The following SRI variants were observed in gnomAD, a reference collection of about 807,000 sequenced individuals.
SRI encodes the protein sorcin.
SRI carries 30 observed loss-of-function variants against 33.3 expected under a neutral mutation model. That is an observed-to-expected ratio of 0.90 (90% CI 0.67 to 1.22). The LOEUF is 1.22. Ranked by LOEUF, SRI falls within the 50% of genes most tolerant of loss-of-function variation. The pLI is 0.00. For synonymous variants in SRI, 75 were observed against 89.9 expected (o/e 0.83, Z 0.94); for missense variants, 243 against 250.8 (o/e 0.97, Z 0.21).
At position 88,209,319 on chromosome 7, in the gene SRI, C is replaced by T; in HGVS notation, c.511+20G>A. ...ACTGTGTCTTGGCTTGTGGTGATGA[C>T]ACGACCTTATAGAACTCACCTGTAA... On this transcript the variant is annotated intron_variant, in intron 6 of 7. Transcript: ENST00000265729. 6.3e-7 allele frequency: 1 copy of T among 1,590,380 alleles called. No homozygotes were observed. Among genetic ancestry groups the T allele is most frequent in the Non-Finnish European group, 8.6e-7 (1 of 1,158,664 alleles).
chr7:88,222,138 G>A (rs375560949), upstream of SRI, among the ~76,000 whole-genome samples: 12 of 141,342 alleles, frequency 8.5e-5, no homozygotes, highest in South Asian at 2.5e-4. Flanking sequence ...GAATAATGCC[G>A]CAATAAACAT....
intron 3 of SRI, among the ~76,000 whole-genome samples, chr7:88,213,041 C>A (rs899286735): frequency 6.6e-6 from 1 of 152,176 alleles, no homozygotes; most frequent in Non-Finnish European, 1.5e-5. Context: ...TAACCCAAGC[C>A]AGAAACCTGG....
chr7:88,206,642 G>C, intron 7 of SRI, 138 bp from the exon 8 acceptor site: 1 of 892,474 alleles, frequency 1.1e-6, no homozygotes, highest in Admixed American at 2.4e-5. Flanking sequence ...ATGAGTAAAT[G>C]ATAGATGGAA....
chr7:88,207,489 T>C (rs1411509729), intron 7 of SRI, among the ~76,000 whole-genome samples: 1 of 151,496 alleles, frequency 6.6e-6, no homozygotes, highest in African/African-American at 2.4e-5. Flanking sequence ...ATTACAGTCA[T>C]TTCAATTCTA....
chr7:88,220,186 G>A, upstream of SRI: 4 of 1,314,432 alleles, frequency 3.0e-6, no homozygotes, highest in Non-Finnish European at 3.9e-6. Flanking sequence ...GCGCGCGGCC[G>A]TGGCTCCCCT....
chr7:88,223,885 A>G (rs1393057110), upstream of SRI, among the ~76,000 whole-genome samples: 6 of 152,156 alleles, frequency 3.9e-5, no homozygotes, highest in Non-Finnish European at 8.8e-5. Context: ...GAATACAGTT[A>G]TTTGTCAGAA....
In SRI at chr7:88,220,003, G is replaced by A; in HGVS notation, c.24C>T (p.Gly8=). 2 of 1,535,768 alleles carry A rather than the reference G, an allele frequency of 1.3e-6. No individual in the cohort carries two copies. Among genetic ancestry groups the A allele is most frequent in the Non-Finnish European group, 8.7e-7 (1 of 1,145,914 alleles). Reference sequence around the variant, plus strand: ...CGCCTGGGTAGTACCCGCCGCCGGCGCCAGGATGCCCCGGGTACGCCATGC... The same window carrying A: ...CGCCTGGGTAGTACCCGCCGCCGGCACCAGGATGCCCCGGGTACGCCATGC... The part of the protein sequence containing the change: MAYPGHP[G]AGGGYYPGGY... Residue 8 remains glycine, a synonymous_variant, in exon 1 of 8, where the codon GGC becomes GGT. Coordinates refer to ENST00000265729, the MANE Select transcript of SRI (RefSeq NM_003130.4).
chr7:88,214,027 G>T (rs1851646877), intron 3 of SRI, among the ~76,000 whole-genome samples: 1 of 152,164 alleles, frequency 6.6e-6, no homozygotes, highest in Admixed American at 6.5e-5. Context: ...CTAAGGAAAA[G>T]ATAAGTCACA....
At chr7:88,222,740 G>T (rs1397133205), upstream of SRI, among the ~76,000 whole-genome samples, 1 of 152,172 alleles carries the variant, frequency 6.6e-6, no homozygotes, top group Non-Finnish European at 1.5e-5. Flanking sequence ...ACAAAAAGAA[G>T]AAATGGGGAA....
At chr7:88,220,394 TG>T (rs1034503255), upstream of SRI, among the ~76,000 whole-genome samples, 2 of 151,422 alleles carry the variant, frequency 1.3e-5, no homozygotes, top group Admixed American at 1.3e-4. Context: ...GGCTATTATC[TG>T]GCACATTTCT....
chr7:88,220,257 C>G (rs117443479), upstream of SRI, among the ~76,000 whole-genome samples: 8,642 of 152,318 alleles, frequency 0.057, 325 homozygotes, highest in Middle Eastern at 0.1. Context: ...GACTGAAGGT[C>G]CAGTGGCGGC....
intron 2 of SRI, among the ~76,000 whole-genome samples, chr7:88,218,521 T>A (rs1284509618): frequency 6.6e-6 from 1 of 152,228 alleles, no homozygotes; most frequent in African/African-American, 2.4e-5. Flanking sequence ...CCCATTAGAA[T>A]CGAGCTATGT....
upstream of SRI, among the ~76,000 whole-genome samples, chr7:88,224,520 G>A (rs1586725540): frequency 1.3e-5 from 2 of 152,330 alleles, no homozygotes; most frequent in African/African-American, 4.8e-5. Flanking sequence ...CTGCCTTAGA[G>A]AGAAGCTCAG....
At position 88,205,975 on chromosome 7, in the gene SRI, G is replaced by T. The variant is rs957548715; in HGVS notation, c.*503C>A. 3.8e-5 allele frequency: 6 copies of T among 158,418 alleles called. No homozygotes were observed. The highest frequency in any genetic ancestry group is 8.4e-5 in the Non-Finnish European group (6 of 71,356). 9.8% of individuals were successfully genotyped at this position (158,418 alleles called of 1,614,324 possible). A position where few individuals can be genotyped will look rare whatever the true frequency, so the allele number is the denominator to read the frequency against. On this transcript the variant is annotated 3_prime_UTR_variant, in exon 8 of 8. Transcript: ENST00000265729. Reference sequence around the variant, plus strand: ...ATTTGCCAATCAAATTATTCAACAGGTTTTGAAGGGCGTGTGCTAAACTTC... The same window carrying T: ...ATTTGCCAATCAAATTATTCAACAGTTTTTGAAGGGCGTGTGCTAAACTTC...
At chr7:88,218,988 T>G (rs1851807888) in intron 1 of SRI, 46 bp from the exon 2 acceptor site, 14 of 1,574,368 alleles carry the variant, frequency 8.9e-6, no homozygotes, top group Non-Finnish European at 1.2e-5. Flanking sequence ...GAATCAAGTT[T>G]TCTTCTTTCA....
At chr7:88,220,141 GA>G (rs147470747), upstream of SRI, 538 of 1,344,794 alleles carry the variant, frequency 4.0e-4, 3 homozygotes, top group African/African-American at 8.0e-3. Context: ...GGGCGTGGGG[GA>G]CGCGCTCCGC....
At chr7:88,211,227 G>A (rs1851570561) in intron 3 of SRI, among the ~76,000 whole-genome samples, 1 of 152,172 alleles carries the variant, frequency 6.6e-6, no homozygotes, top group Non-Finnish European at 1.5e-5. Flanking sequence ...TGCCGAGACA[G>A]GCGGATCACC....
At chr7:88,225,908 C>A (rs770997573) in intron 1 of SRI, among the ~76,000 whole-genome samples, 52 of 152,222 alleles carry the variant, frequency 3.4e-4, no homozygotes, top group Non-Finnish European at 6.0e-4. Flanking sequence ...TGTAAATATG[C>A]ATGGCTAAAG....
intron 7 of SRI, chr7:88,207,920 G>A (rs986602196): frequency 6.6e-6 from 1 of 152,060 alleles, no homozygotes; most frequent in African/African-American, 2.4e-5. Context: ...CCCGAGACGT[G>A]GAGGTTGCAG....
Sources: allele counts gnomAD v4.1 joint callset (sites outside exome capture counted in the v4.1 genomes callset), GRCh38; gene constraint gnomAD v4.1.1; transcripts MANE v1.5; gene names NCBI Gene and HGNC (gene_info 2026-07-23, HGNC 2026-07-21).